Variants in ALG5 observed in about 807,000 individuals in gnomAD.
The protein encoded by ALG5 is dolichyl-phosphate beta-glucosyltransferase.
A neutral mutation model predicts 51.8 loss-of-function variants in ALG5; 26 were observed. That is an observed-to-expected ratio of 0.50 (90% CI 0.37 to 0.70). ALG5 has a LOEUF of 0.70. ALG5 is among the 30% of genes least tolerant of loss of function. The pLI is 0.00. For synonymous variants in ALG5, 141 were observed against 136.1 expected, an observed-to-expected ratio of 1.04 and a Z score of -0.25; for missense variants, 311 against 399.3, an observed-to-expected ratio of 0.78 and a Z score of 1.88.
Position 36,993,610 on chromosome 13 carries a change from G to A in ALG5, c.348C>T (p.Thr116=), listed in dbSNP as rs1442327961. ...TAAAAGCAAGTGTATTTACCTTTGAGGTCTGATCTTTACTGCCATCATCAA... is the reference window on the plus strand; with the variant it reads ...TAAAAGCAAGTGTATTTACCTTTGAAGTCTGATCTTTACTGCCATCATCAA... ...IVVDDGSKDQ[T]SKVAFKYCQK... The change falls in exon 4 of 10, where the codon ACC becomes ACT. Residue 116 remains threonine (T), a synonymous_variant. Coordinates refer to ENST00000239891, the MANE Select transcript of ALG5 (RefSeq NM_013338.5). 5.0e-5 allele frequency: 81 copies of A among 1,612,568 alleles called. No individual in the cohort carries two copies. Among genetic ancestry groups the A allele is most frequent in the Non-Finnish European group, 6.6e-5 (78 of 1,178,996 alleles).
intron 5 of ALG5, among the ~76,000 whole-genome samples, chr13:36,987,332 G>A (rs2059006497): frequency 6.6e-6 from 1 of 152,140 alleles, no homozygotes; most frequent in Non-Finnish European, 1.5e-5. Flanking sequence ...GACATAGTTT[G>A]GATCTGTGTC....
intron 7 of ALG5, chr13:36,967,919 G>A: frequency 1.6e-6 from 1 of 640,996 alleles, no homozygotes; most frequent in South Asian, 1.9e-5. Flanking sequence ...ATTTGAGTGA[G>A]CTTATTTGTT....
At chr13:36,987,083 G>C (rs1481830827) in intron 5 of ALG5, among the ~76,000 whole-genome samples, 3 of 152,006 alleles carry the variant, frequency 2.0e-5, no homozygotes, top group African/African-American at 7.3e-5. Context: ...CCTTTTCTCT[G>C]TAACCTCCTC....
intron 4 of ALG5, among the ~76,000 whole-genome samples, chr13:36,992,552 C>T (rs995240989): frequency 2.0e-5 from 3 of 152,188 alleles, no homozygotes; most frequent in Admixed American, 2.0e-4. Flanking sequence ...TGAAGCTTTA[C>T]AGCATGGCCT....
chr13:36,970,482 C>A (rs1432947062), intron 7 of ALG5, among the ~76,000 whole-genome samples: 1 of 152,118 alleles, frequency 6.6e-6, no homozygotes, highest in Non-Finnish European at 1.5e-5. Context: ...CGCCTGTAAT[C>A]CCAGCTACTC....
Position 36,985,757 on chromosome 13 carries a change from C to T in ALG5, c.448-17G>A. ...GAATATACCCTGTATTTTAAAATTT[C>T]AAGTCAAAGAAAATTGGTTAAAACT... On this transcript the variant is annotated splice_polypyrimidine_tract_variant and intron_variant, in intron 5 of 9. Coordinates refer to ENST00000239891, the MANE Select transcript of ALG5 (RefSeq NM_013338.5). The T allele has an allele frequency of 6.4e-7, 1 of 1,563,240 alleles. No homozygotes were observed.
chr13:36,961,144 G>A (rs1244423361), intron 8 of ALG5, among the ~76,000 whole-genome samples: 4 of 152,106 alleles, frequency 2.6e-5, no homozygotes, highest in Non-Finnish European at 5.9e-5. Flanking sequence ...AGCAGAGTGC[G>A]GTGGCTCATG....
intron 3 of ALG5, 51 bp downstream of exon 3, chr13:36,994,937 AC>A (rs1256024562): frequency 1.3e-6 from 2 of 1,525,304 alleles, no homozygotes; most frequent in Admixed American, 1.8e-5. Context: ...ACAATTGGTG[AC>A]CTGGTCTAGT....
In ALG5 at chr13:36,992,850, A is replaced by G. The variant is rs759433216; in HGVS notation, c.354+754T>C. On this transcript the variant is annotated intron_variant, in intron 4 of 9. Transcript: ENST00000239891. ...TTTGTTTTAAATAAAAACTTCTACT[A>G]AATATAATTTCAACTTTCTACTTCC... Among the ~76,000 whole-genome samples, 6 of 152,306 alleles carry G rather than the reference A, an allele frequency of 3.9e-5. No individual in the cohort carries two copies. The South Asian group carries it at 6.2e-4, about 16-fold the overall frequency.
At chr13:36,994,252 G>C (rs1007582856) in intron 3 of ALG5, among the ~76,000 whole-genome samples, 80 of 152,264 alleles carry the variant, frequency 5.3e-4, no homozygotes, top group Middle Eastern at 3.4e-3. Flanking sequence ...AGGTAATACA[G>C]CCCTTTCTCT....
intron 5 of ALG5, among the ~76,000 whole-genome samples, chr13:36,989,026 CATAATTATAATCTTCTTTTTTACT>C (rs1163853865): frequency 6.6e-6 from 1 of 152,172 alleles, no homozygotes; most frequent in Non-Finnish European, 1.5e-5. Flanking sequence ...GCATGTCTCT[CATAATTATAATCTTCTTTTTTACT>C]TATGCAAATG....
chr13:36,956,835 C>G (rs2058841996), intron 8 of ALG5, among the ~76,000 whole-genome samples: 1 of 151,924 alleles, frequency 6.6e-6, no homozygotes. Context: ...AACCGCCCAG[C>G]AGATATTGAA....
intron 8 of ALG5, among the ~76,000 whole-genome samples, chr13:36,955,556 A>T (rs2058835709): frequency 6.6e-6 from 1 of 152,040 alleles, no homozygotes; most frequent in South Asian, 2.1e-4. Flanking sequence ...CAAAAAGAAG[A>T]TTGGATAATA....
chr13:36,988,621 T>C (rs1327660647), intron 5 of ALG5, among the ~76,000 whole-genome samples: 1 of 152,230 alleles, frequency 6.6e-6, no homozygotes, highest in African/African-American at 2.4e-5. Flanking sequence ...TTTACTCACT[T>C]TCCTCAACTA....
rs113887581 is a variant in ALG5, at chr13:36,995,026, A to G, written c.248T>C (p.Met83Thr). ...SYNEEKRLPV[M>T]MDEALSYLEK... Reference sequence around the variant, plus strand: ...TAGATAGCTCAGAGCTTCATCCATCATCACAGGCACTTGAAGAAAAAAATA... The same window carrying G: ...TAGATAGCTCAGAGCTTCATCCATCGTCACAGGCACTTGAAGAAAAAAATA... Residue 83 changes from methionine (M) to threonine (T), a missense_variant, in exon 3 of 10, where the codon ATG (methionine) becomes ACG (threonine). Physicochemically the swap from Met to Thr is moderately conservative, Grantham distance 81. Transcript: ENST00000239891. The G allele has an allele frequency of 6.2e-7, 1 of 1,613,512 alleles. No homozygotes were observed. Among genetic ancestry groups the G allele is most frequent in the Non-Finnish European group, 8.5e-7 (1 of 1,179,560 alleles).
At chr13:36,989,714 C>T in intron 4 of ALG5, 138 bp from the exon 5 acceptor site, 1 of 619,168 alleles carries the variant, frequency 1.6e-6, no homozygotes, top group South Asian at 2.3e-5. Context: ...ACTGTACATT[C>T]TGATGACCTG....
chr13:36,976,967 T>C (rs2058954878), intron 6 of ALG5, among the ~76,000 whole-genome samples: 1 of 152,144 alleles, frequency 6.6e-6, no homozygotes, highest in African/African-American at 2.4e-5. Flanking sequence ...AAAAAGAACA[T>C]ACTTCTCCAT....
At chr13:36,995,678 C>T (rs2059046249) in intron 1 of ALG5, 82 bp from the exon 2 acceptor site, 7 of 1,318,732 alleles carry the variant, frequency 5.3e-6, no homozygotes, top group South Asian at 1.3e-5. Context: ...AATACATCAT[C>T]TACTTTTCTT....
chr13:36,956,524 A>G (rs1157859389), intron 8 of ALG5, among the ~76,000 whole-genome samples: 1 of 152,176 alleles, frequency 6.6e-6, no homozygotes, highest in Non-Finnish European at 1.5e-5. Context: ...AGATAACTGC[A>G]CTCTCATGTT....
Sources: allele counts gnomAD v4.1 joint callset (sites outside exome capture counted in the v4.1 genomes callset), GRCh38; gene constraint gnomAD v4.1.1; transcripts MANE v1.5; gene names NCBI Gene and HGNC (gene_info 2026-07-23, HGNC 2026-07-21).